Variants in GDE1 observed in about 807,000 individuals in gnomAD.
GDE1 encodes the protein glycerophosphodiester phosphodiesterase 1, also known as RGS16-interacting membrane protein.
Under a neutral mutation model 32.2 loss-of-function variants are expected in GDE1, and 24 were observed. The ratio of observed to expected loss-of-function variants is 0.75; its 90% confidence interval spans 0.54 to 1.05. The LOEUF is 1.05. Among genes scored for constraint, GDE1 ranks in the 50% least tolerant of loss-of-function variants. GDE1 has a pLI of 0.00. For missense variants in GDE1, 380 were observed against 415.0 expected (o/e 0.92, Z 0.73); for synonymous variants, 159 against 158.6 (o/e 1.00, Z -0.02).
intron 1 of GDE1, among the ~76,000 whole-genome samples, chr16:19,518,599 C>T (rs1969410345): frequency 6.6e-6 from 1 of 152,304 alleles, no homozygotes; most frequent in South Asian, 2.1e-4. Flanking sequence ...TCCTCCTTTC[C>T]TCTCCAGAGG....
intron 4 of GDE1, among the ~76,000 whole-genome samples, chr16:19,506,608 T>C (rs960968605): frequency 2.0e-5 from 3 of 151,906 alleles, no homozygotes; most frequent in South Asian, 2.1e-4. Flanking sequence ...GCCGAGATCA[T>C]ACCACTGGGC....
intron 1 of GDE1, among the ~76,000 whole-genome samples, chr16:19,520,408 GAAAAA>G (rs71375647): frequency 1.1e-4 from 15 of 131,592 alleles, no homozygotes; most frequent in African/African-American, 4.1e-4. Flanking sequence ...TAAAAAAAAA[GAAAAA>G]AAAAAAGAAA....
rs1225216074 is a variant in GDE1, at chr16:19,502,928, C to T, written c.*542G>A. 6.6e-6 allele frequency: 1 copy of T among 152,496 alleles called. No individual in the cohort carries two copies. Among genetic ancestry groups the T allele is most frequent in the African/African-American group, 2.4e-5 (1 of 41,446 alleles). 9.4% of individuals were successfully genotyped at this position (152,496 alleles called of 1,614,324 possible). On this transcript the variant is annotated 3_prime_UTR_variant, in exon 6 of 6. Transcript: ENST00000353258. ...TTGGTTGCTGTACACTGAAGCCTCA[C>T]TGGATTGCATGGTGGCTTCCCCAAA... is the stretch of plus-strand genomic sequence containing the variant.
chr16:19,511,369 G>T (rs1969317066), intron 2 of GDE1, among the ~76,000 whole-genome samples: 2 of 152,152 alleles, frequency 1.3e-5, no homozygotes, highest in Non-Finnish European at 2.9e-5. Flanking sequence ...CTCCCAAAGT[G>T]CTAGGATTAC....
intron 5 of GDE1, chr16:19,504,585 C>T: frequency 6.9e-6 from 2 of 288,536 alleles, no homozygotes; most frequent in Non-Finnish European, 1.3e-5. Context: ...CCTGTGTTGG[C>T]TTTCAAAAAA....
rs1156524994 is a variant in GDE1, at chr16:19,510,947, G to A, written c.438-3C>T. ...TCTTTTCATCAGGGAAATCATTCCT[G>A]TAAGAGAAGAGAAAATACGTTGTAG... On this transcript the variant is annotated splice_region_variant and splice_polypyrimidine_tract_variant and intron_variant, in intron 2 of 5. Coordinates refer to ENST00000353258, the MANE Select transcript of GDE1 (RefSeq NM_016641.4). The A allele has an allele frequency of 2.7e-6, 4 of 1,470,952 alleles. No individual in the cohort carries two copies. Among genetic ancestry groups the A allele is most frequent in the Non-Finnish European group, 1.9e-6 (2 of 1,055,474 alleles). 91.1% of individuals were successfully genotyped at this position (1,470,952 alleles called of 1,614,324 possible). A position where few individuals can be genotyped will look rare whatever the true frequency, so the allele number is the denominator to read the frequency against.
chr16:19,505,185 G>A (rs1270370235), intron 4 of GDE1, 93 bp from the exon 5 acceptor site: 1 of 866,042 alleles, frequency 1.2e-6, no homozygotes, highest in Non-Finnish European at 1.9e-6. Context: ...ATCAGATGAG[G>A]TGGTCATGGT....
At chr16:19,510,543 T>A (rs9924305) in intron 3 of GDE1, among the ~76,000 whole-genome samples, 1 of 151,928 alleles carries the variant, frequency 6.6e-6, no homozygotes, top group African/African-American at 2.4e-5. Context: ...TCTAGAAATG[T>A]CTTTTTTACT....
At chr16:19,503,778 G>A (rs9929386) in intron 5 of GDE1, 161 bp from the exon 6 acceptor site, 18,588 of 596,916 alleles carry the variant, frequency 0.031, 786 homozygotes, top group African/African-American at 0.15. Flanking sequence ...CCAAAACCCA[G>A]GATGCCATGA....
chr16:19,519,706 G>A (rs189565680), intron 1 of GDE1, among the ~76,000 whole-genome samples: 2 of 152,192 alleles, frequency 1.3e-5, no homozygotes, highest in African/African-American at 4.8e-5. Context: ...GGTAAAGCTG[G>A]CCAGGCAGTG....
rs2151446892 is a variant in GDE1 at position 19,510,911 on chromosome 16, T to C, written c.471A>G (p.Leu157=). ...NDFPDEKIPT[L]REAVAECLNH... The stretch of plus-strand genomic sequence containing the variant: ...TTAGGCACTCTGCAACAGCTTCCCT[T>C]AGGGTAGGGATCTTTTCATCAGGGA... Residue 157 remains leucine (L), a synonymous_variant, in exon 3 of 6, where the codon CTA becomes CTG. Transcript: ENST00000353258. The C allele has an allele frequency of 6.3e-7, 1 of 1,598,338 alleles. No homozygotes were observed. The highest frequency in any genetic ancestry group is 1.3e-5 in the African/African-American group (1 of 74,616).
intron 3 of GDE1, among the ~76,000 whole-genome samples, chr16:19,509,262 A>G (rs989605938): frequency 6.6e-6 from 1 of 152,152 alleles, no homozygotes; most frequent in African/African-American, 2.4e-5. Flanking sequence ...AGATCGCGCC[A>G]ATGCACTCCA....
chr16:19,516,976 A>G, intron 2 of GDE1, 38 bp downstream of exon 2: 1 of 1,570,630 alleles, frequency 6.4e-7, no homozygotes, highest in East Asian at 2.2e-5. Context: ...TTCCAATAAA[A>G]GCTAAAAGAT....
chr16:19,505,972 ATAGAAT>A (rs1231120732), intron 4 of GDE1, among the ~76,000 whole-genome samples: 1 of 152,212 alleles, frequency 6.6e-6, no homozygotes, highest in East Asian at 1.9e-4. Context: ...GCAAGAAGTA[ATAGAAT>A]TAAAATATCA....
At chr16:19,521,629 C>A (rs757338479) in intron 1 of GDE1, 75 bp downstream of exon 1, 78 of 1,521,238 alleles carry the variant, frequency 5.1e-5, no homozygotes, top group Non-Finnish European at 1.4e-5. Flanking sequence ...CTGAGAAGAT[C>A]GGGGAACCCT....
rs1321443576 is a variant in GDE1 at position 19,510,962 on chromosome 16, A to G, written c.438-18T>C. 3.1e-6 allele frequency: 4 copies of G among 1,273,144 alleles called. No homozygotes were observed. Among genetic ancestry groups the G allele is most frequent in the Non-Finnish European group, 4.6e-6 (4 of 878,736 alleles). The allele number at this position is 1,273,144 out of a possible 1,614,324, so 78.9% of individuals were successfully genotyped here. A position where few individuals can be genotyped will look rare whatever the true frequency, so the allele number is the denominator to read the frequency against. ...AATCATTCCTGTAAGAGAAGAGAAA[A>G]TACGTTGTAGGAAAAAAGAGAAACA... is the stretch of plus-strand genomic sequence containing the variant. On this transcript the variant is annotated intron_variant, in intron 2 of 5. Transcript: ENST00000353258.
rs1300298885 is a variant in GDE1, at chr16:19,510,929, A to T, written c.453T>A (p.Asp151Glu). The change falls in exon 3 of 6, where the codon GAT becomes GAA. Residue 151 changes from aspartate (D) to glutamate (E), a missense_variant. Coordinates refer to ENST00000353258, the MANE Select transcript of GDE1 (RefSeq NM_016641.4). Reference protein sequence around the residue: ...ANHRLRNDFPDEKIPTLREAV... With the variant: ...ANHRLRNDFPEEKIPTLREAV... ...CTTCCCTTAGGGTAGGGATCTTTTC[A>T]TCAGGGAAATCATTCCTGTAAGAGA... The T allele has an allele frequency of 6.4e-7, 1 of 1,560,290 alleles. No individual in the cohort carries two copies. Among genetic ancestry groups the T allele is most frequent in the Non-Finnish European group, 8.8e-7 (1 of 1,134,958 alleles).
intron 3 of GDE1, among the ~76,000 whole-genome samples, chr16:19,509,872 G>C (rs12598217): frequency 0.13 from 19,351 of 151,994 alleles, 1,369 homozygotes; most frequent in Admixed American, 0.18. Flanking sequence ...ATGTTGGCCA[G>C]GCTGGTCTCG....
chr16:19,507,665 C>A, intron 4 of GDE1, 22 bp downstream of exon 4: 4 of 1,235,996 alleles, frequency 3.2e-6, no homozygotes, highest in Non-Finnish European at 4.8e-6. Flanking sequence ...CTAATATGTA[C>A]AAGAAAAATC....
Sources: allele counts gnomAD v4.1 joint callset (sites outside exome capture counted in the v4.1 genomes callset), GRCh38; gene constraint gnomAD v4.1.1; transcripts MANE v1.5; gene names NCBI Gene and HGNC (gene_info 2026-07-23, HGNC 2026-07-21).